Variants in U2SURP observed in about 807,000 individuals in gnomAD.
U2SURP encodes U2 snRNP associated SURP domain containing.
U2SURP carries 9 observed loss-of-function variants against 144.9 expected under a neutral mutation model. That is an observed-to-expected ratio of 0.06 (90% CI 0.04 to 0.11). U2SURP has a LOEUF of 0.11. U2SURP is among the 10% of genes least tolerant of loss of function. The probability of loss-of-function intolerance (pLI) is 1.00; values close to 1 mark genes in which losing one functional copy is unlikely to be tolerated. For synonymous variants in U2SURP, 408 were observed against 396.8 expected (o/e 1.03, Z -0.33); for missense variants, 724 against 1,226.7 (o/e 0.59, Z 6.12).
chr3:143,013,801 G>A (rs1936229431), intron 3 of U2SURP, among the ~76,000 whole-genome samples: 1 of 151,990 alleles, frequency 6.6e-6, no homozygotes, highest in Admixed American at 6.6e-5. Context: ...ATGAAATTAT[G>A]TTCATAAATA....
intron 27 of U2SURP, 87 bp downstream of exon 27, chr3:143,055,206 ATTTTT>A: frequency 6.0e-6 from 6 of 994,138 alleles, no homozygotes; most frequent in Non-Finnish European, 8.4e-6. Flanking sequence ...GTTGGCATAC[ATTTTT>A]TTTTTTTTTT....
chr3:143,005,773 A>C (rs1935798933), intron 1 of U2SURP, among the ~76,000 whole-genome samples: 1 of 150,272 alleles, frequency 6.7e-6, no homozygotes, highest in South Asian at 2.1e-4. Context: ...CATTTGCCTT[A>C]CTGGGTATCA....
chr3:143,055,766 T>C (rs967517679), intron 27 of U2SURP, among the ~76,000 whole-genome samples: 2 of 152,198 alleles, frequency 1.3e-5, no homozygotes, highest in African/African-American at 4.8e-5. Flanking sequence ...GTATGTGTTA[T>C]ATATGTATGT....
intron 1 of U2SURP, among the ~76,000 whole-genome samples, chr3:143,009,496 G>A (rs1249407199): frequency 6.6e-6 from 1 of 152,090 alleles, no homozygotes; most frequent in Non-Finnish European, 1.5e-5. Context: ...TACCCAGGAG[G>A]CTGAGGGAGG....
At chr3:143,027,675 C>T (rs1399782366) in intron 14 of U2SURP, among the ~76,000 whole-genome samples, 2 of 152,130 alleles carry the variant, frequency 1.3e-5, no homozygotes, top group Admixed American at 1.3e-4. Flanking sequence ...ATTTTATCTT[C>T]AGGCATGCAG....
chr3:143,042,116 A>G (rs2108304479), intron 23 of U2SURP, among the ~76,000 whole-genome samples: 1 of 152,186 alleles, frequency 6.6e-6, no homozygotes, highest in South Asian at 2.1e-4. Context: ...TTGTGTTTCC[A>G]CTAGACTGCT....
At chr3:143,020,179 G>A (rs1347083889) in intron 7 of U2SURP, 143 bp downstream of exon 7, 3 of 539,688 alleles carry the variant, frequency 5.6e-6, no homozygotes, top group Non-Finnish European at 9.2e-6. Context: ...ATAATATTTG[G>A]TGGGCTATCT....
At chr3:143,010,728 A>G (rs1425170935) in intron 1 of U2SURP, 87 bp from the exon 2 acceptor site, 4 of 1,010,134 alleles carry the variant, frequency 4.0e-6, no homozygotes, top group Non-Finnish European at 5.6e-6. Context: ...AGAAGTTAGG[A>G]AACTCTTAAG....
intron 26 of U2SURP, 64 bp from the exon 27 acceptor site, chr3:143,054,878 TA>T: frequency 2.8e-6 from 4 of 1,447,714 alleles, no homozygotes; most frequent in Non-Finnish European, 3.6e-6. Context: ...GCTAATTTAG[TA>T]AAGGAAAATG....
At chr3:143,001,866 A>G (rs568106049) in intron 1 of U2SURP, among the ~76,000 whole-genome samples, 193 bp downstream of exon 1, 3 of 152,210 alleles carry the variant, frequency 2.0e-5, no homozygotes, top group Non-Finnish European at 4.4e-5. Context: ...GCCGGGATTC[A>G]GCTCGAGACT....
chr3:143,037,345 G>C lies in U2SURP; in HGVS notation c.2221+10G>C. 1 of 1,609,122 alleles carries C rather than the reference G, an allele frequency of 6.2e-7. No homozygotes were observed. The highest frequency in any genetic ancestry group is 8.5e-7 in the Non-Finnish European group (1 of 1,177,450). ...CTTGATGGAGTGCCTTGTAAGTTCA[G>C]ATTTCAAACTGATTAAATCTAGCTA... On this transcript the variant is annotated intron_variant, in intron 21 of 27. Transcript: ENST00000473835.
At chr3:143,026,162 TAATC>T (rs1177201876) in intron 13 of U2SURP, 2 of 152,114 alleles carry the variant, frequency 1.3e-5, no homozygotes, top group Non-Finnish European at 2.9e-5. Flanking sequence ...CCCGACACCA[TAATC>T]AATGTCCAAA....
At chr3:143,052,805 G>C (rs947029856) in intron 25 of U2SURP, among the ~76,000 whole-genome samples, 2 of 152,318 alleles carry the variant, frequency 1.3e-5, no homozygotes, top group Non-Finnish European at 2.9e-5. Context: ...CATATGAATC[G>C]TAGAGAAATT....
chr3:143,019,915 C>A (rs138889920), intron 6 of U2SURP, 54 bp from the exon 7 acceptor site: 3 of 972,452 alleles, frequency 3.1e-6, no homozygotes, highest in South Asian at 4.4e-5. Context: ...ATTATTGAAT[C>A]ATTGGTTTTG....
intron 1 of U2SURP, among the ~76,000 whole-genome samples, chr3:143,008,751 G>A (rs1159399775): frequency 6.6e-6 from 1 of 152,184 alleles, no homozygotes; most frequent in Admixed American, 6.5e-5. Context: ...TGTATTGGAA[G>A]GCAATTGAGT....
Position 143,014,320 on chromosome 3 carries a change from G to T in U2SURP, c.232G>T (p.Glu78Ter). 1 of 1,598,796 alleles carries T rather than the reference G, an allele frequency of 6.3e-7. No homozygotes were observed. The highest frequency in any genetic ancestry group is 8.5e-7 in the Non-Finnish European group (1 of 1,172,818). The change falls in exon 4 of 28, where the codon GAA becomes TAA. Residue 78 changes from glutamate (E) to a stop codon, truncating the protein, a stop_gained. Coordinates refer to ENST00000473835, the MANE Select transcript of U2SURP (RefSeq NM_001080415.2). LOFTEE classifies it high-confidence loss of function. ...GCTTTTTATTTCTTAGCCTCTTCTG[G>T]AAAACAAACTTAAAGCATTCAGTAT... is the stretch of plus-strand genomic sequence containing the variant. ...PHQNLSRPLL[E>*]NKLKAFSIGK...
intron 18 of U2SURP, among the ~76,000 whole-genome samples, chr3:143,033,836 T>G (rs1330240257): frequency 6.6e-6 from 1 of 152,184 alleles, no homozygotes; most frequent in Admixed American, 6.5e-5. Flanking sequence ...TGGCTTACAC[T>G]TAAGCTAAAT....
chr3:143,004,278 A>G (rs1935702105), intron 1 of U2SURP, among the ~76,000 whole-genome samples: 1 of 151,684 alleles, frequency 6.6e-6, no homozygotes, highest in Non-Finnish European at 1.5e-5. Flanking sequence ...AATGTACAAT[A>G]TGGCAAAATT....
chr3:143,024,463 GT>G, intron 13 of U2SURP: 1 of 432,122 alleles, frequency 2.3e-6, no homozygotes, highest in Non-Finnish European at 4.6e-6. Flanking sequence ...TTTGTTTTTT[GT>G]TTTTTCAATT....
Sources: allele counts gnomAD v4.1 joint callset (sites outside exome capture counted in the v4.1 genomes callset), GRCh38; gene constraint gnomAD v4.1.1; transcripts MANE v1.5; gene names NCBI Gene and HGNC (gene_info 2026-07-23, HGNC 2026-07-21).